SOX5: variants seen among roughly 807,000 people sequenced by gnomAD.
SOX5 encodes the protein transcription factor SOX-5.
A neutral mutation model predicts 92.0 loss-of-function variants in SOX5; 9 were observed. The observed-to-expected ratio is 0.10, with a 90% confidence interval of 0.06 to 0.17. The LOEUF (loss-of-function observed/expected upper bound fraction) is 0.17. SOX5 is among the 10% of genes least tolerant of loss of function. SOX5 has a pLI of 1.00. For missense variants in SOX5, 642 were observed against 944.5 expected (o/e 0.68, Z 4.20); for synonymous variants, 344 against 336.3 (o/e 1.02, Z -0.25).
At chr12:23,708,441 A>G (rs2091689869) in intron 6 of SOX5, among the ~76,000 whole-genome samples, 1 of 152,228 alleles carries the variant, frequency 6.6e-6, no homozygotes, top group Non-Finnish European at 1.5e-5. Context: ...AGAAAAGTCA[A>G]CTAGCACCAA....
intron 4 of SOX5, among the ~76,000 whole-genome samples, chr12:24,061,934 T>C (rs966100502): frequency 6.6e-6 from 1 of 152,130 alleles, no homozygotes. Flanking sequence ...TGGTTTCAAA[T>C]AATTGTGTCT....
intron 1 of SOX5, among the ~76,000 whole-genome samples, chr12:24,552,891 G>C (rs925163578): frequency 6.6e-6 from 1 of 152,070 alleles, no homozygotes; most frequent in African/African-American, 2.4e-5. Context: ...AATTAGCTGG[G>C]CATGCTGGCG....
chr12:24,008,495 G>T (rs1280209365), intron 4 of SOX5, among the ~76,000 whole-genome samples: 1 of 151,702 alleles, frequency 6.6e-6, no homozygotes, highest in Non-Finnish European at 1.5e-5. Context: ...ACAGAGCTTG[G>T]ATTAAATCCA....
At chr12:23,853,110 TTA>T (rs1191364655) in intron 2 of SOX5, among the ~76,000 whole-genome samples, 6 of 147,542 alleles carry the variant, frequency 4.1e-5, no homozygotes, top group African/African-American at 5.0e-5. Context: ...CATGCAAAAA[TTA>T]TATATATATA....
chr12:24,137,287 G>C (rs1950190368), intron 4 of SOX5, among the ~76,000 whole-genome samples: 1 of 152,148 alleles, frequency 6.6e-6, no homozygotes, highest in Non-Finnish European at 1.5e-5. Context: ...CTTGTACTGA[G>C]GAGGTACAAG....
At chr12:24,057,494 C>T (rs1958249132) in intron 4 of SOX5, among the ~76,000 whole-genome samples, 1 of 152,060 alleles carries the variant, frequency 6.6e-6, no homozygotes, top group Non-Finnish European at 1.5e-5. Context: ...AGGTGCATGA[C>T]TTAGTCTTTT....
intron 1 of SOX5, among the ~76,000 whole-genome samples, chr12:23,913,250 T>C (rs1268352870): frequency 6.6e-6 from 1 of 152,180 alleles, no homozygotes; most frequent in Non-Finnish European, 1.5e-5. Flanking sequence ...CCCCAAAGAA[T>C]CAAAAATGTA....
rs557087022 is a variant in SOX5, at chr12:23,959,245, T to C, written c.-1-63221A>G. The stretch of plus-strand genomic sequence containing the variant: ...GAAAAAGAATGAGGGCTTAATTTAC[T>C]AGAAATTAAAACATAATGTAGAATC... On this transcript the variant is annotated intron_variant, in intron 4 of 4. Transcript: ENST00000446891. 3.4e-4 allele frequency among the ~76,000 whole-genome samples: 52 copies of C among 152,044 alleles called. 1 individual carries two copies. The South Asian group carries it at 0.01, about 30-fold the overall frequency.
intron 2 of SOX5, among the ~76,000 whole-genome samples, chr12:24,346,608 A>G (rs1331488372): frequency 2.0e-5 from 3 of 151,960 alleles, no homozygotes; most frequent in African/African-American, 7.3e-5. Flanking sequence ...GCGTGCCACC[A>G]TGTCCAGCTA....
intron 6 of SOX5, among the ~76,000 whole-genome samples, chr12:23,715,809 CAAAAAAA>C (rs35450544): frequency 2.7e-5 from 2 of 72,822 alleles, no homozygotes; most frequent in African/African-American, 9.9e-5. Flanking sequence ...AGTAATTTCC[CAAAAAAA>C]AAAAAAAAAA....
intron 1 of SOX5, among the ~76,000 whole-genome samples, chr12:24,460,443 C>T (rs1943495399): frequency 6.6e-6 from 1 of 152,334 alleles, no homozygotes; most frequent in African/African-American, 2.4e-5. Flanking sequence ...GTAAGCAGAA[C>T]AGCACACTTA....
intron 4 of SOX5, among the ~76,000 whole-genome samples, chr12:24,057,206 G>A (rs1475763570): frequency 6.6e-6 from 1 of 151,756 alleles, no homozygotes; most frequent in Non-Finnish European, 1.5e-5. Flanking sequence ...AGAAAATTAA[G>A]GGAGAGAAGA....
chr12:24,001,130 A>G (rs1040659121), intron 4 of SOX5, among the ~76,000 whole-genome samples: 1 of 152,164 alleles, frequency 6.6e-6, no homozygotes, highest in Admixed American at 6.5e-5. Context: ...TTGCTCTGTC[A>G]CCCAGATTAG....
At chr12:23,605,201 T>C (rs1465265250) in intron 8 of SOX5, among the ~76,000 whole-genome samples, 1 of 152,036 alleles carries the variant, frequency 6.6e-6, no homozygotes, top group Non-Finnish European at 1.5e-5. Context: ...CACATATTCT[T>C]CCACTAAGCC....
At chr12:23,876,646 A>G (rs2096930169) in intron 2 of SOX5, among the ~76,000 whole-genome samples, 1 of 152,238 alleles carries the variant, frequency 6.6e-6, no homozygotes, top group Non-Finnish European at 1.5e-5. Context: ...ATTACTGGGT[A>G]TATACCCAAA....
intron 4 of SOX5, among the ~76,000 whole-genome samples, chr12:24,191,850 A>G (rs1042984499): frequency 3.0e-4 from 46 of 152,336 alleles, no homozygotes; most frequent in African/African-American, 1.1e-3. Context: ...TATTGGGAAG[A>G]GAACATTTCA....
chr12:23,554,527 C>T (rs1944774689), intron 11 of SOX5, among the ~76,000 whole-genome samples: 1 of 152,080 alleles, frequency 6.6e-6, no homozygotes, highest in Non-Finnish European at 1.5e-5. Context: ...CACTTGAATT[C>T]CTCTATTCTT....
At chr12:24,236,110 T>C (rs1020986289) in intron 3 of SOX5, among the ~76,000 whole-genome samples, 10 of 152,100 alleles carry the variant, frequency 6.6e-5, no homozygotes, top group African/African-American at 2.4e-4. Flanking sequence ...GAGAATGGCG[T>C]GAACCCGGGA....
chr12:23,761,597 C>A (rs1223948121), intron 3 of SOX5, among the ~76,000 whole-genome samples: 1 of 152,210 alleles, frequency 6.6e-6, no homozygotes, highest in East Asian at 1.9e-4. Context: ...TATCACAAAC[C>A]TATATAAAGG....
Sources: gnomAD v4.1 joint callset for allele counts (sites outside exome capture counted in the v4.1 genomes callset) on GRCh38, gnomAD v4.1.1 for gene constraint, MANE v1.5 for transcripts, NCBI Gene and HGNC (gene_info 2026-07-23, HGNC 2026-07-21) for gene names.